RNF125: variants seen among roughly 807,000 people sequenced by gnomAD.
The protein encoded by RNF125 is E3 ubiquitin-protein ligase RNF125.
In RNF125, 21 loss-of-function variants were observed where a neutral mutation model predicts 26.0. The ratio of observed to expected loss-of-function variants is 0.81; its 90% CI spans 0.57 to 1.16. The LOEUF (loss-of-function observed/expected upper bound fraction) is 1.16, where lower values mean the gene tolerates loss of function less well. Among genes scored for constraint, RNF125 ranks in the 50% most tolerant of loss-of-function variants. The probability of loss-of-function intolerance (pLI) is 0.00; values close to 1 mark genes in which losing one functional copy is unlikely to be tolerated. For synonymous variants in RNF125, 95 were observed against 109.2 expected (o/e 0.87, Z 0.81); for missense variants, 270 against 299.4 (o/e 0.90, Z 0.72).
rs141863821 is a variant in RNF125 at position 32,059,638 on chromosome 18, C to G, written c.505-6264C>G. On this transcript the variant is annotated intron_variant, in intron 4 of 5. Coordinates refer to ENST00000217740, the MANE Select transcript of RNF125 (RefSeq NM_017831.4). Reference sequence around the variant, plus strand: ...GCTTTTGGATGTGATTCCATTTGTCCATTTTCGCTTTGGTTGCCTGTGTTT... The same window carrying G: ...GCTTTTGGATGTGATTCCATTTGTCGATTTTCGCTTTGGTTGCCTGTGTTT... Among the ~76,000 whole-genome samples the G allele has an allele frequency of 4.1e-4, 63 of 152,108 alleles. No homozygotes were observed. The East Asian group carries it at 0.012, about 28-fold the overall frequency.
chr18:32,045,663 G>C lies in RNF125; in HGVS notation c.435G>C (p.Gln145His). ...TAARCVCPFC[Q>H]RELYEDSLLD... ...CCAGGTGTGTATGTCCCTTTTGTCA[G>C]AGGGAACTGTATGAAGACAGCTTGC... Residue 145 changes from glutamine (Q) to histidine (H), a missense_variant, in exon 4 of 6, where the codon CAG becomes CAC. Gln to His is a conservative substitution (Grantham distance 24, BLOSUM62 0). Transcript: ENST00000217740. The C allele has an allele frequency of 1.2e-6, 2 of 1,611,016 alleles. No individual in the cohort carries two copies. Among genetic ancestry groups the C allele is most frequent in the Non-Finnish European group, 1.7e-6 (2 of 1,178,480 alleles).
At chr18:32,049,772 TA>T (rs2039306170) in intron 4 of RNF125, among the ~76,000 whole-genome samples, 1 of 152,154 alleles carries the variant, frequency 6.6e-6, no homozygotes, top group Non-Finnish European at 1.5e-5. Context: ...TGTCCTGTGT[TA>T]GTGTTTCACT....
At chr18:32,038,650 C>A (rs917793475) in intron 2 of RNF125, among the ~76,000 whole-genome samples, 1 of 152,146 alleles carries the variant, frequency 6.6e-6, no homozygotes, top group Non-Finnish European at 1.5e-5. Flanking sequence ...TATCAGCTTC[C>A]CCAGATCATG....
At chr18:32,020,018 G>T (rs146277460) in intron 1 of RNF125, among the ~76,000 whole-genome samples, 5 of 34,926 alleles carry the variant, frequency 1.4e-4, no homozygotes, top group Admixed American at 5.1e-4. Flanking sequence ...GTGTGTGTGT[G>T]TGTGTGTGTG....
intron 2 of RNF125, among the ~76,000 whole-genome samples, chr18:32,039,777 C>CT (rs1337442183): frequency 0.39 from 48,443 of 123,306 alleles, 10,126 homozygotes; most frequent in African/African-American, 0.41. Context: ...CTTTGAGATA[C>CT]TTTTTTTTTT....
chr18:32,044,873 C>T (rs1041125047), intron 3 of RNF125, among the ~76,000 whole-genome samples: 3 of 151,920 alleles, frequency 2.0e-5, no homozygotes, highest in Admixed American at 6.6e-5. Flanking sequence ...GAAATCTCAG[C>T]ACTTTGGGAG....
At chr18:32,084,325 C>T in the RNF125 span, among the ~76,000 whole-genome samples, 1 of 152,100 alleles carries the variant, frequency 6.6e-6, no homozygotes, top group Admixed American at 6.5e-5. Context: ...ACTGCATTCC[C>T]GCCTGTGGGA....
intron 4 of RNF125, among the ~76,000 whole-genome samples, chr18:32,055,353 G>A (rs1219470771): frequency 1.3e-5 from 2 of 150,966 alleles, no homozygotes; most frequent in Non-Finnish European, 2.9e-5. Flanking sequence ...AGTTTTTCCT[G>A]TTCCAACATC....
At chr18:32,045,230 G>A (rs2039257079) in intron 3 of RNF125, among the ~76,000 whole-genome samples, 1 of 152,088 alleles carries the variant, frequency 6.6e-6, no homozygotes, top group African/African-American at 2.4e-5. Flanking sequence ...TGTCCAAGAT[G>A]TGTCCACTGG....
At chr18:32,045,361 C>T (rs1457001953) in intron 3 of RNF125, among the ~76,000 whole-genome samples, 1 of 151,664 alleles carries the variant, frequency 6.6e-6, no homozygotes, top group African/African-American at 2.4e-5. Context: ...GAGTTCGAGA[C>T]CATCCTGGCC....
At position 32,032,540 on chromosome 18, in the gene RNF125, T is replaced by C. The variant is rs140326529; in HGVS notation, c.165-4576T>C. ...GCACTTTCTATTTATGTGATTTTTT[T>C]CCCCCCAAGCCAAACTTTATCCAGC... On this transcript the variant is annotated intron_variant, in intron 1 of 5. Coordinates refer to ENST00000217740, the MANE Select transcript of RNF125 (RefSeq NM_017831.4). Among the ~76,000 whole-genome samples, 285 of 151,962 alleles carry C rather than the reference T, an allele frequency of 1.9e-3. 3 individuals carry two copies. Among genetic ancestry groups the C allele is most frequent in the Non-Finnish European group, 2.8e-3 (193 of 67,960 alleles).
Position 32,024,917 on chromosome 18 carries a change from C to T in RNF125, c.164+5890C>T, listed in dbSNP as rs904421244. ...TCAACATGGCGAAACCTTGTCCCTA[C>T]TGAAAATACTAAAAAATTAGCCGGG... On this transcript the variant is annotated intron_variant, in intron 1 of 5. Transcript: ENST00000217740. Among the ~76,000 whole-genome samples, 5 of 151,962 alleles carry T rather than the reference C, an allele frequency of 3.3e-5. No homozygotes were observed. The East Asian group carries it at 7.8e-4, about 24-fold the overall frequency.
rs2039010494 is a variant in RNF125, at chr18:32,024,129, A to G, written c.164+5102A>G. 2.6e-5 allele frequency among the ~76,000 whole-genome samples: 4 copies of G among 151,896 alleles called. No homozygotes were observed. The South Asian group carries it at 8.3e-4, about 32-fold the overall frequency. ...TTCTTTCAATTTGAAACAAGCTTCA[A>G]ATAACTTCTAAACTAGACACAATTC... On this transcript the variant is annotated intron_variant, in intron 1 of 5. Coordinates refer to ENST00000217740, the MANE Select transcript of RNF125 (RefSeq NM_017831.4).
chr18:32,025,664 CAAAAAAAAAAAAAA>C lies in RNF125; in HGVS notation c.164+6648_164+6661del, dbSNP rs34054474. ...GGGTGACAAGAGTGAAACTCTGTCT[CAAAAAAAAAAAAAA>C]AAAAAAAAAAGAAGACAGAGGACCC... On this transcript the variant is annotated intron_variant, in intron 1 of 5. Coordinates refer to ENST00000217740, the MANE Select transcript of RNF125 (RefSeq NM_017831.4). Among the ~76,000 whole-genome samples the C allele has an allele frequency of 4.6e-5, 3 of 65,204 alleles. No homozygotes were observed. The East Asian group carries it at 1.2e-3, about 25-fold the overall frequency. 42.8% of individuals were successfully genotyped at this position (65,204 alleles called of 152,430 possible). A position where few individuals can be genotyped will look rare whatever the true frequency, so the allele number is the denominator to read the frequency against.
chr18:32,046,899 A>G (rs2039277674), intron 4 of RNF125, among the ~76,000 whole-genome samples: 1 of 151,346 alleles, frequency 6.6e-6, no homozygotes, highest in Non-Finnish European at 1.5e-5. Context: ...TTTTATTTTT[A>G]TTTTTTTGAG....
At chr18:32,023,047 A>G (rs1033876307) in intron 1 of RNF125, among the ~76,000 whole-genome samples, 2 of 151,908 alleles carry the variant, frequency 1.3e-5, no homozygotes, top group African/African-American at 4.8e-5. Flanking sequence ...TAGTGGTGCA[A>G]TCATGGCTCA....
chr18:32,088,819 G>A, the RNF125 span, among the ~76,000 whole-genome samples: 1 of 152,048 alleles, frequency 6.6e-6, no homozygotes, highest in Non-Finnish European at 1.5e-5. Flanking sequence ...GAGTTTTAGA[G>A]CACCCAATCA....
intron 2 of RNF125, among the ~76,000 whole-genome samples, chr18:32,040,917 T>G (rs766460764): frequency 1.3e-5 from 2 of 152,212 alleles, no homozygotes; most frequent in Non-Finnish European, 2.9e-5. Context: ...TCAATCCTAG[T>G]TTTTATATCT....
chr18:32,025,271 A>C (rs567322136), intron 1 of RNF125, among the ~76,000 whole-genome samples: 5 of 152,294 alleles, frequency 3.3e-5, no homozygotes, highest in Admixed American at 1.3e-4. Flanking sequence ...CCAGTATCCA[A>C]AAGCCAGAGA....
Sources: allele counts gnomAD v4.1 joint callset (sites outside exome capture counted in the v4.1 genomes callset), GRCh38; gene constraint gnomAD v4.1.1; transcripts MANE v1.5; gene names NCBI Gene and HGNC (gene_info 2026-07-23, HGNC 2026-07-21).